RAB31: variants seen among roughly 807,000 people sequenced by gnomAD.
The protein encoded by RAB31 is ras-related protein Rab-31.
A neutral mutation model predicts 25.6 loss-of-function variants in RAB31; 21 were observed. That is an observed-to-expected ratio of 0.82 (90% confidence interval 0.58 to 1.18). The LOEUF is 1.18. Ranked by LOEUF, RAB31 falls within the 50% of genes most tolerant of loss-of-function variation. RAB31 has a pLI of 0.00. For synonymous variants in RAB31, 87 were observed against 84.0 expected (o/e 1.04, Z -0.20); for missense variants, 196 against 250.1 (o/e 0.78, Z 1.46).
intron 1 of RAB31, among the ~76,000 whole-genome samples, chr18:9,741,179 C>A (rs557429830): frequency 6.6e-6 from 1 of 151,924 alleles, no homozygotes; most frequent in South Asian, 2.1e-4. Flanking sequence ...AGTTCGAGAC[C>A]AGCCCGGCCA....
chr18:9,759,109 GA>G (rs2068274400), intron 1 of RAB31, among the ~76,000 whole-genome samples: 1 of 152,108 alleles, frequency 6.6e-6, no homozygotes, highest in Non-Finnish European at 1.5e-5. Context: ...CAGACATGAG[GA>G]AGGTGGCCTG....
At chr18:9,755,510 T>C (rs192334279) in intron 1 of RAB31, among the ~76,000 whole-genome samples, 24 of 152,330 alleles carry the variant, frequency 1.6e-4, no homozygotes, top group Non-Finnish European at 3.2e-4. Context: ...AATGTCACGC[T>C]GTCAATTTTA....
At position 9,844,258 on chromosome 18, in the gene RAB31, A is replaced by G. The variant is rs1022723131; in HGVS notation, c.381-1324A>G. On this transcript the variant is annotated intron_variant, in intron 5 of 6. Coordinates refer to ENST00000578921, the MANE Select transcript of RAB31 (RefSeq NM_006868.4). ...CCCTCTCTCAGCTCCAACCTCTCTG[A>G]CATTCTCTCCATTCGGGCCCGTGTC... Among the ~76,000 whole-genome samples the G allele has an allele frequency of 7.9e-5, 12 of 152,196 alleles. 1 individual carries two copies. In the East Asian group the frequency reaches 1.4e-3, roughly 17 times the overall value.
rs372068418 is a variant in RAB31 at position 9,724,144 on chromosome 18, G to A, written c.39+15700G>A. On this transcript the variant is annotated intron_variant, in intron 1 of 6. Transcript: ENST00000578921. ...AAATTAGCCGGGCGTAGTGGCGGGC[G>A]CCTGTAGTCCCAGCTACTTGGGAGG... 3.3e-4 allele frequency among the ~76,000 whole-genome samples: 49 copies of A among 149,230 alleles called. No homozygotes were observed. In the South Asian group the frequency reaches 8.4e-3, roughly 26 times the overall value.
At position 9,780,364 on chromosome 18, in the gene RAB31, A is replaced by G. The variant is rs147320676; in HGVS notation, c.119+5007A>G. Among the ~76,000 whole-genome samples, 671 of 152,266 alleles carry G rather than the reference A, an allele frequency of 4.4e-3. 6 individuals are homozygous for G. Among genetic ancestry groups the G allele is most frequent in the African/African-American group, 0.016 (647 of 41,550 alleles). On this transcript the variant is annotated intron_variant, in intron 2 of 6. Coordinates refer to ENST00000578921, the MANE Select transcript of RAB31 (RefSeq NM_006868.4). ...GTTGAAAGTATTTTTTCTGATTATA[A>G]AAGTATTATATACTCATCATAAACA... is the stretch of plus-strand genomic sequence containing the variant.
In RAB31 at chr18:9,860,803, G is replaced by T. The variant is rs1457016477; in HGVS notation, c.*1478G>T. The T allele has an allele frequency of 1.3e-5, 2 of 152,170 alleles. No homozygotes were observed. The highest frequency in any genetic ancestry group is 2.9e-5 in the Non-Finnish European group (2 of 68,030). 9.4% of individuals were successfully genotyped at this position (152,170 alleles called of 1,614,324 possible). On this transcript the variant is annotated 3_prime_UTR_variant, in exon 7 of 7. Coordinates refer to ENST00000578921, the MANE Select transcript of RAB31 (RefSeq NM_006868.4). ...CTATATCGCAAAAGTCAGGAAAGAG[G>T]TTGTGAGCTGATTGGATTAAAGACC...
chr18:9,790,964 A>G (rs1431975050), intron 2 of RAB31, among the ~76,000 whole-genome samples: 1 of 152,252 alleles, frequency 6.6e-6, no homozygotes, highest in African/African-American at 2.4e-5. Context: ...AGCACAAAGA[A>G]AATGCTTTTT....
chr18:9,772,869 T>A (rs1470084371), intron 1 of RAB31, among the ~76,000 whole-genome samples: 1 of 151,864 alleles, frequency 6.6e-6, no homozygotes, highest in Admixed American at 6.6e-5. Flanking sequence ...AAGGATTTGC[T>A]CCTCCACAGG....
At chr18:9,749,483 G>A (rs914699321) in intron 1 of RAB31, among the ~76,000 whole-genome samples, 1 of 152,200 alleles carries the variant, frequency 6.6e-6, no homozygotes, top group African/African-American at 2.4e-5. Context: ...TAGTTTGTGG[G>A]AGAGCTGGGA....
At chr18:9,750,508 G>T (rs925006577) in intron 1 of RAB31, among the ~76,000 whole-genome samples, 29 of 152,130 alleles carry the variant, frequency 1.9e-4, no homozygotes, top group Non-Finnish European at 3.4e-4. Context: ...TGGGGGAGAG[G>T]TGCCGGCAGT....
At chr18:9,753,963 A>G (rs2068248063) in intron 1 of RAB31, among the ~76,000 whole-genome samples, 1 of 151,406 alleles carries the variant, frequency 6.6e-6, no homozygotes, top group Admixed American at 6.6e-5. Flanking sequence ...TATCATGCGT[A>G]AGGAATCTTT....
chr18:9,776,768 C>G (rs954170903), intron 2 of RAB31, among the ~76,000 whole-genome samples: 4 of 152,174 alleles, frequency 2.6e-5, no homozygotes, highest in Admixed American at 6.5e-5. Context: ...GAGCGGAACC[C>G]CAAGCTGAGG....
chr18:9,835,984 A>C (rs2068702425), intron 5 of RAB31, among the ~76,000 whole-genome samples: 1 of 152,054 alleles, frequency 6.6e-6, no homozygotes, highest in Non-Finnish European at 1.5e-5. Flanking sequence ...GAGCACACAC[A>C]GCCCTGCAGC....
chr18:9,756,862 T>C lies in RAB31; in HGVS notation c.40-18416T>C, dbSNP rs186374114. Among the ~76,000 whole-genome samples, 34 of 152,356 alleles carry C rather than the reference T, an allele frequency of 2.2e-4. No individual in the cohort carries two copies. The East Asian group carries it at 6.6e-3, about 29-fold the overall frequency. On this transcript the variant is annotated intron_variant, in intron 1 of 6. Coordinates refer to ENST00000578921, the MANE Select transcript of RAB31 (RefSeq NM_006868.4). ...CACTGTGTGGTCTCATTGGCTCCCA[T>C]TGCCCTCAGAACAAAGTTCAAACTC...
intron 3 of RAB31, among the ~76,000 whole-genome samples, chr18:9,803,831 G>C (rs558816556): frequency 6.6e-6 from 1 of 152,232 alleles, no homozygotes; most frequent in African/African-American, 2.4e-5. Flanking sequence ...GGACTGCCTC[G>C]GTCCACAGAC....
chr18:9,747,805 G>A (rs1293717278), intron 1 of RAB31, among the ~76,000 whole-genome samples: 2 of 152,204 alleles, frequency 1.3e-5, no homozygotes, highest in East Asian at 1.9e-4. Context: ...CATTGTGGAT[G>A]TACTAAATGC....
At chr18:9,769,140 C>A (rs977440367) in intron 1 of RAB31, among the ~76,000 whole-genome samples, 3 of 152,162 alleles carry the variant, frequency 2.0e-5, no homozygotes, top group Non-Finnish European at 4.4e-5. Flanking sequence ...ATGCCTCCAG[C>A]TTTGTTCCTT....
At position 9,834,368 on chromosome 18, in the gene RAB31, G is replaced by A. The variant is rs373018868; in HGVS notation, c.381-11214G>A. Among the ~76,000 whole-genome samples, 8 of 152,146 alleles carry A rather than the reference G, an allele frequency of 5.3e-5. No individual in the cohort carries two copies. In the East Asian group the frequency reaches 7.7e-4, roughly 15 times the overall value. On this transcript the variant is annotated intron_variant, in intron 5 of 6. Coordinates refer to ENST00000578921, the MANE Select transcript of RAB31 (RefSeq NM_006868.4). ...TGACCTCAGGTGATCCACCCTCCTC[G>A]GCCTCCCAAAGTGCTGGGATTACAG... is the stretch of plus-strand genomic sequence containing the variant.
Position 9,815,190 on chromosome 18 carries a change from C to T in RAB31, c.348C>T (p.Ile116=), listed in dbSNP as rs373817974. Residue 116 remains isoleucine (I), a synonymous_variant, in exon 5 of 7, where the codon ATC becomes ATT. Coordinates refer to ENST00000578921, the MANE Select transcript of RAB31 (RefSeq NM_006868.4). ...EHGPENIVMA[I]AGNKCDLSDI... ...GTCCAGAAAACATTGTAATGGCCAT[C>T]GCTGGAAACAAGTGCGACCTCTCAG... 20 of 1,556,132 alleles carry T rather than the reference C, an allele frequency of 1.3e-5. 1 individual carries two copies. The highest frequency in any genetic ancestry group is 9.5e-5 in the South Asian group (8 of 84,322).
Sources: allele counts gnomAD v4.1 joint callset (sites outside exome capture counted in the v4.1 genomes callset), GRCh38; gene constraint gnomAD v4.1.1; transcripts MANE v1.5; gene names NCBI Gene and HGNC (gene_info 2026-07-23, HGNC 2026-07-21).